Variants in ANK2 observed in about 807,000 individuals in gnomAD.
The protein encoded by ANK2 is ankyrin 2, also known as ankyrin-2.
In ANK2, 83 loss-of-function variants were observed where a neutral mutation model predicts 360.5. The ratio of observed to expected loss-of-function variants is 0.23; its 90% confidence interval spans 0.19 to 0.28. ANK2 has a LOEUF of 0.28. ANK2 is among the 10% of genes least tolerant of loss of function. The pLI is 1.00. For synonymous variants in ANK2, 1,740 were observed against 1,759.5 expected (o/e 0.99, Z 0.28); for missense variants, 4,201 against 4,795.7 (o/e 0.88, Z 3.66).
chr4:112,783,732 C>T, the ANK2 span, among the ~76,000 whole-genome samples: 1 of 151,858 alleles, frequency 6.6e-6, no homozygotes, highest in Non-Finnish European at 1.5e-5. Context: ...TCACTGCAAG[C>T]TCTGCCTCCT....
intron 2 of ANK2, 65 bp downstream of exon 2, chr4:113,174,582 C>T: frequency 8.1e-7 from 1 of 1,234,832 alleles, no homozygotes; most frequent in Admixed American, 1.9e-5. Flanking sequence ...TCTCAGAGCC[C>T]AAGATTATTT....
At chr4:112,957,348 C>T (rs2095389679) in intron 2 of ANK2, among the ~76,000 whole-genome samples, 1 of 152,206 alleles carries the variant, frequency 6.6e-6, no homozygotes, top group Admixed American at 6.5e-5. Flanking sequence ...CACAGATCAA[C>T]AGGATCACAA....
chr4:113,193,892 T>TTA (rs1387065168), intron 2 of ANK2, among the ~76,000 whole-genome samples: 1 of 152,198 alleles, frequency 6.6e-6, no homozygotes, highest in Non-Finnish European at 1.5e-5. Context: ...ATTAAAGATG[T>TTA]TATATAAGTT....
intron 1 of ANK2, among the ~76,000 whole-genome samples, chr4:112,872,737 G>C (rs1279393575): frequency 6.6e-6 from 1 of 152,132 alleles, no homozygotes; most frequent in Non-Finnish European, 1.5e-5. Flanking sequence ...AGTGAGTTTG[G>C]GAGTGTTCCC....
At chr4:112,709,429 C>T in the ANK2 span, among the ~76,000 whole-genome samples, 11 of 152,256 alleles carry the variant, frequency 7.2e-5, no homozygotes, top group African/African-American at 2.4e-4. Flanking sequence ...AAGTTAAATG[C>T]GTACTTACTG....
At chr4:112,835,345 A>C (rs147576981) in intron 1 of ANK2, among the ~76,000 whole-genome samples, 1 of 152,294 alleles carries the variant, frequency 6.6e-6, no homozygotes, top group African/African-American at 2.4e-5. Context: ...ATTCTACTAT[A>C]ATTTAATTGG....
chr4:113,048,223 A>G, upstream of ANK2, among the ~76,000 whole-genome samples: 1 of 127,730 alleles, frequency 7.8e-6, no homozygotes, highest in East Asian at 2.5e-4. Context: ...AAAGTATATT[A>G]GGTTCTGGTT....
intron 45 of ANK2, among the ~76,000 whole-genome samples, chr4:113,376,025 T>C (rs573571211): frequency 6.6e-6 from 1 of 152,324 alleles, no homozygotes; most frequent in African/African-American, 2.4e-5. Flanking sequence ...AGGTTGCCAT[T>C]TTTAAAATTT....
At chr4:113,114,331 A>G (rs1020415480) in intron 1 of ANK2, among the ~76,000 whole-genome samples, 1 of 152,154 alleles carries the variant, frequency 6.6e-6, no homozygotes, top group African/African-American at 2.4e-5. Context: ...CTTCTCTGTC[A>G]CACTTAAAGA....
At chr4:113,300,666 G>T (rs1459861946) in intron 22 of ANK2, among the ~76,000 whole-genome samples, 1 of 152,190 alleles carries the variant, frequency 6.6e-6, no homozygotes, top group Non-Finnish European at 1.5e-5. Context: ...TCTAACCTGA[G>T]CCAAGAGAAG....
intron 2 of ANK2, among the ~76,000 whole-genome samples, chr4:113,021,555 T>C (rs879414339): frequency 0.052 from 4,727 of 91,276 alleles, 461 homozygotes; most frequent in African/African-American, 0.16. Context: ...TATATATATA[T>C]ATATATATAT....
rs60272903 is a variant in ANK2 at position 112,829,491 on chromosome 4, CAAAAAAA to C, written c.-40+11240_-40+11246del. 7.7e-4 allele frequency among the ~76,000 whole-genome samples: 47 copies of C among 60,728 alleles called. 2 individuals are homozygous for C. Among genetic ancestry groups the C allele is most frequent in the East Asian group, 5.5e-3 (17 of 3,064 alleles). The allele number at this position is 60,728 out of a possible 152,430, so 39.8% of individuals were successfully genotyped here. A position where few individuals can be genotyped will look rare whatever the true frequency, so the allele number is the denominator to read the frequency against. On this transcript the variant is annotated intron_variant, in intron 1 of 30. Coordinates refer to the ANK2 transcript ENST00000503271. ...GCAACATAGTATGAGCCCATCTCTA[CAAAAAAA>C]AAAAAAAAAAAAGGAAGGGCAAAGA...
chr4:112,975,406 T>C (rs1379227617), intron 2 of ANK2, among the ~76,000 whole-genome samples: 1 of 152,204 alleles, frequency 6.6e-6, no homozygotes, highest in East Asian at 1.9e-4. Context: ...TTGAGGTATA[T>C]ATGAAGGTTA....
intron 24 of ANK2, among the ~76,000 whole-genome samples, chr4:113,317,115 C>T (rs932803498): frequency 1.3e-5 from 2 of 152,188 alleles, no homozygotes; most frequent in African/African-American, 4.8e-5. Flanking sequence ...AGAGGAACTC[C>T]ACTTCCGCAG....
chr4:112,884,592 G>C (rs1350041798), intron 1 of ANK2, among the ~76,000 whole-genome samples: 2 of 152,026 alleles, frequency 1.3e-5, no homozygotes, highest in Non-Finnish European at 2.9e-5. Flanking sequence ...CACTTGGCCT[G>C]CTGACCATTG....
intron 15 of ANK2, among the ~76,000 whole-genome samples, chr4:113,277,235 C>A (rs983388887): frequency 2.0e-5 from 3 of 152,166 alleles, no homozygotes; most frequent in Non-Finnish European, 2.9e-5. Flanking sequence ...AGCAATTGGT[C>A]TTTTAGACAG....
At position 113,196,359 on chromosome 4, in the gene ANK2, TTC is replaced by T. The variant is rs1060501160; in HGVS notation, c.187-4_187-3del. ...CACTTCTTAAAGCCTTGTTTGTTTC[TTC>T]TCTCAGAATGGACTCAACGCTCTCC... On this transcript the variant is annotated splice_region_variant and splice_polypyrimidine_tract_variant and intron_variant, in intron 2 of 45. Transcript: ENST00000357077. The T allele has an allele frequency of 4.3e-6, 7 of 1,611,422 alleles. No homozygotes were observed. Among genetic ancestry groups the T allele is most frequent in the East Asian group, 2.2e-5 (1 of 44,864 alleles).
intron 2 of ANK2, among the ~76,000 whole-genome samples, chr4:113,175,550 T>C (rs1227997769): frequency 6.6e-6 from 1 of 152,228 alleles, no homozygotes; most frequent in Non-Finnish European, 1.5e-5. Context: ...CGGATCACCT[T>C]GTGGTACTTA....
chr4:112,904,173 TTGAA>T (rs2084412004), intron 1 of ANK2, among the ~76,000 whole-genome samples: 1 of 152,208 alleles, frequency 6.6e-6, no homozygotes, highest in Non-Finnish European at 1.5e-5. Context: ...CTACTTATGA[TTGAA>T]TGGACATTCT....
Sources: allele counts gnomAD v4.1 joint callset (sites outside exome capture counted in the v4.1 genomes callset), GRCh38; gene constraint gnomAD v4.1.1; transcripts MANE v1.5; gene names NCBI Gene and HGNC (gene_info 2026-07-23, HGNC 2026-07-21).